The following TAFA5 variants were observed in gnomAD, a reference collection of about 807,000 sequenced individuals.
TAFA5 encodes chemokine-like protein TAFA-5.
Under a neutral mutation model 15.3 loss-of-function variants are expected in TAFA5, and 6 were observed. That is an observed-to-expected ratio of 0.39 (90% CI 0.21 to 0.77). The LOEUF (loss-of-function observed/expected upper bound fraction) is 0.77, where lower values mean the gene tolerates loss of function less well. TAFA5 is among the 30% of genes least tolerant of loss of function. The pLI is 0.41. For synonymous variants in TAFA5, 103 were observed against 80.7 expected, an observed-to-expected ratio of 1.28 and a Z score of -1.48; for missense variants, 161 against 193.1, an observed-to-expected ratio of 0.83 and a Z score of 0.98.
intron 2 of TAFA5, among the ~76,000 whole-genome samples, chr22:48,698,794 C>A (rs1054642402): frequency 4.5e-5 from 4 of 89,130 alleles, no homozygotes; most frequent in African/African-American, 2.1e-4. Flanking sequence ...CTACAGGCCC[C>A]GTGCGTGGCC....
chr22:48,506,500 A>G (rs1343778063), intron 1 of TAFA5, among the ~76,000 whole-genome samples: 2 of 152,112 alleles, frequency 1.3e-5, no homozygotes, highest in African/African-American at 4.8e-5. Flanking sequence ...CCGGCAGTGG[A>G]TCGTCTATCT....
At chr22:48,527,846 G>A (rs1021186372) in intron 1 of TAFA5, among the ~76,000 whole-genome samples, 5 of 152,328 alleles carry the variant, frequency 3.3e-5, no homozygotes, top group East Asian at 1.9e-4. Context: ...GGTGTTTCAC[G>A]GGTAGATGGA....
intron 1 of TAFA5, among the ~76,000 whole-genome samples, chr22:48,610,358 A>G (rs1925354139): frequency 3.3e-5 from 5 of 152,268 alleles, no homozygotes; most frequent in Admixed American, 3.3e-4. Flanking sequence ...GTGCTAAGTA[A>G]GATTCACCTG....
intron 2 of TAFA5, among the ~76,000 whole-genome samples, chr22:48,675,292 G>A (rs1474838272): frequency 6.6e-6 from 1 of 152,218 alleles, no homozygotes. Flanking sequence ...GTATTGCCAA[G>A]TGGCAGAGAT....
At chr22:48,556,870 G>A (rs1923059217) in intron 1 of TAFA5, among the ~76,000 whole-genome samples, 1 of 152,224 alleles carries the variant, frequency 6.6e-6, no homozygotes, top group African/African-American at 2.4e-5. Flanking sequence ...CAGCTCCGGG[G>A]ATGCAGACCC....
chr22:48,588,973 C>T (rs1924461066), intron 1 of TAFA5, among the ~76,000 whole-genome samples: 1 of 152,252 alleles, frequency 6.6e-6, no homozygotes, highest in Admixed American at 6.5e-5. Context: ...CCTTCCTTCT[C>T]CTCCGATTAC....
intron 1 of TAFA5, among the ~76,000 whole-genome samples, chr22:48,611,961 T>A (rs965214757): frequency 1.3e-5 from 2 of 152,198 alleles, no homozygotes; most frequent in Non-Finnish European, 2.9e-5. Context: ...CCTGGGTCCC[T>A]GTTTACTGCT....
At chr22:48,595,941 G>T (rs570781973) in intron 1 of TAFA5, among the ~76,000 whole-genome samples, 2 of 152,212 alleles carry the variant, frequency 1.3e-5, no homozygotes, top group Non-Finnish European at 2.9e-5. Flanking sequence ...CAGGACATTT[G>T]TTATCTCTCA....
At chr22:48,628,119 C>T (rs1457155422) in intron 1 of TAFA5, among the ~76,000 whole-genome samples, 2 of 152,002 alleles carry the variant, frequency 1.3e-5, no homozygotes, top group Admixed American at 6.5e-5. Context: ...TGGCCTGAGG[C>T]TCTGGTGGGT....
intron 3 of TAFA5, among the ~76,000 whole-genome samples, chr22:48,709,394 T>A (rs1471216258): frequency 1.1e-5 from 1 of 93,870 alleles, no homozygotes; most frequent in Non-Finnish European, 2.4e-5. Flanking sequence ...TAGGCTCTCC[T>A]CTGTCCCTGC....
chr22:48,550,869 C>T lies in TAFA5; in HGVS notation c.112+61165C>T, dbSNP rs746469973. On this transcript the variant is annotated intron_variant, in intron 1 of 3. Coordinates refer to ENST00000402357, the MANE Select transcript of TAFA5 (RefSeq NM_001082967.3). This position sits in a 1 kb window ranked among gnomAD's most constrained non-coding sequence, Gnocchi z 4.1. Reference sequence around the variant, plus strand: ...TGCCCGGGACCATGTGGATCCCTTTCGTTCCTGTGTCACCTGGGGGTGAGG... The same window carrying T: ...TGCCCGGGACCATGTGGATCCCTTTTGTTCCTGTGTCACCTGGGGGTGAGG... 6.6e-6 allele frequency among the ~76,000 whole-genome samples: 1 copy of T among 152,118 alleles called. No homozygotes were observed. The highest frequency in any genetic ancestry group is 1.5e-5 in the Non-Finnish European group (1 of 68,020).
At chr22:48,717,530 A>G in intron 3 of TAFA5, among the ~76,000 whole-genome samples, 1 of 152,238 alleles carries the variant, frequency 6.6e-6, no homozygotes, top group East Asian at 1.9e-4. Context: ...AGGGAGGGAA[A>G]AAACGAAGAT....
chr22:48,578,500 G>T (rs751264811), intron 1 of TAFA5, among the ~76,000 whole-genome samples: 28 of 152,206 alleles, frequency 1.8e-4, no homozygotes, highest in Admixed American at 7.9e-4. Flanking sequence ...TGTGGATTTA[G>T]CCCTTCACAG....
intron 2 of TAFA5, among the ~76,000 whole-genome samples, chr22:48,663,687 C>T (rs1243636123): frequency 1.3e-5 from 2 of 152,160 alleles, no homozygotes; most frequent in Non-Finnish European, 2.9e-5. Flanking sequence ...AGTAGCATGA[C>T]AAAAATTTTG....
chr22:48,637,807 G>A (rs189957997), intron 1 of TAFA5, among the ~76,000 whole-genome samples: 1 of 151,994 alleles, frequency 6.6e-6, no homozygotes, highest in Non-Finnish European at 1.5e-5. Flanking sequence ...CCCGCCCACC[G>A]AGCACAGCCG....
chr22:48,578,049 C>G (rs986219057), intron 1 of TAFA5, among the ~76,000 whole-genome samples: 2 of 152,360 alleles, frequency 1.3e-5, no homozygotes, highest in African/African-American at 4.8e-5. Context: ...CTGGTGCATT[C>G]CAGGTACCTG....
Position 48,490,460 on chromosome 22 carries a change from G to C in TAFA5, c.112+756G>C, listed in dbSNP as rs910644772. On this transcript the variant is annotated intron_variant, in intron 1 of 3. Coordinates refer to ENST00000402357, the MANE Select transcript of TAFA5 (RefSeq NM_001082967.3). The surrounding 1 kb of genome is among the most constrained non-coding windows in gnomAD (Gnocchi z 5.8). ...CTCCCTGTTGCCTGGAGTGAAGGGT[G>C]GGGGGTGGCCTGTGCCCCTGCCGAG... Among the ~76,000 whole-genome samples the C allele has an allele frequency of 6.6e-6, 1 of 151,884 alleles. No homozygotes were observed. Among genetic ancestry groups the C allele is most frequent in the East Asian group, 2.0e-4 (1 of 5,070 alleles).
intron 3 of TAFA5, among the ~76,000 whole-genome samples, chr22:48,747,187 C>T (rs1930353283): frequency 6.6e-6 from 1 of 152,182 alleles, no homozygotes; most frequent in African/African-American, 2.4e-5. Context: ...GGAGAAGGTT[C>T]CCTGTGAAGA....
At chr22:48,630,952 GC>G (rs1360447612) in intron 1 of TAFA5, among the ~76,000 whole-genome samples, 1 of 152,196 alleles carries the variant, frequency 6.6e-6, no homozygotes, top group Non-Finnish European at 1.5e-5. Context: ...GGGATGCAAG[GC>G]CCAGGGTCAC....
Sources: allele counts gnomAD v4.1 joint callset (sites outside exome capture counted in the v4.1 genomes callset), GRCh38; gene constraint gnomAD v4.1.1; non-coding constraint Gnocchi (gnomAD v3.1); transcripts MANE v1.5; gene names NCBI Gene and HGNC (gene_info 2026-07-23, HGNC 2026-07-21).